Variants in DCDC1 observed in about 807,000 individuals in gnomAD.
DCDC1 encodes doublecortin domain containing 1, also known as doublecortin domain-containing protein 1.
DCDC1 carries 200 observed loss-of-function variants against 178.3 expected under a neutral mutation model. The observed-to-expected ratio is 1.12, with a 90% CI of 1.00 to 1.26. DCDC1 has a LOEUF of 1.26. Among genes scored for constraint, DCDC1 ranks in the 50% most tolerant of loss-of-function variants. The pLI, the probability that DCDC1 is intolerant of heterozygous loss-of-function variation, is 0.00. For synonymous variants in DCDC1, 690 were observed against 604.8 expected (o/e 1.14, Z -2.07); for missense variants, 1,983 against 1,749.2 (o/e 1.13, Z -2.38).
At chr11:31,353,725 C>T (rs1444013226) in intron 1 of DCDC1, among the ~76,000 whole-genome samples, 1 of 152,148 alleles carries the variant, frequency 6.6e-6, no homozygotes, top group Non-Finnish European at 1.5e-5. Flanking sequence ...TACTAATTAG[C>T]ACTGCTAAAC....
intron 16 of DCDC1, 56 bp downstream of exon 16, chr11:31,093,994 C>T (rs1328726465): frequency 6.7e-6 from 5 of 742,416 alleles, no homozygotes; most frequent in Non-Finnish European, 1.2e-5. Flanking sequence ...CCAGCAAGTG[C>T]CGTGAGCCAG....
Position 30,934,820 on chromosome 11 carries a change from T to C in DCDC1, c.2716-2868A>G, listed in dbSNP as rs560863370. On this transcript the variant is annotated intron_variant, in intron 21 of 38. Coordinates refer to ENST00000684477, the MANE Select transcript of DCDC1 (RefSeq NM_001387274.1). ...GCTTGTAGCAAAAAGTTGACCCATT[T>C]GATCCAGGCATTCACATCCCTGTAC... is the stretch of plus-strand genomic sequence containing the variant. Among the ~76,000 whole-genome samples, 4 of 152,330 alleles carry C rather than the reference T, an allele frequency of 2.6e-5. No individual in the cohort carries two copies. The South Asian group carries it at 8.3e-4, about 32-fold the overall frequency.
intron 3 of DCDC1, among the ~76,000 whole-genome samples, chr11:31,325,501 GA>G (rs760696429): frequency 6.6e-6 from 1 of 152,118 alleles, no homozygotes; most frequent in Non-Finnish European, 1.5e-5. Flanking sequence ...GTTTTCTTGT[GA>G]GGGGGCATGT....
At chr11:30,989,989 A>T (rs1950882710) in intron 20 of DCDC1, among the ~76,000 whole-genome samples, 1 of 152,100 alleles carries the variant, frequency 6.6e-6, no homozygotes, top group Non-Finnish European at 1.5e-5. Context: ...AGCCCAAAAC[A>T]CTTAGACTGG....
At chr11:31,332,079 G>A (rs901425032) in intron 2 of DCDC1, among the ~76,000 whole-genome samples, 1 of 152,130 alleles carries the variant, frequency 6.6e-6, no homozygotes, top group Non-Finnish European at 1.5e-5. Flanking sequence ...TCTATTCAGA[G>A]ATTCAATTTC....
intron 38 of DCDC1, among the ~76,000 whole-genome samples, chr11:30,875,771 A>C (rs1246736675): frequency 1.3e-5 from 2 of 152,152 alleles, no homozygotes; most frequent in Non-Finnish European, 2.9e-5. Context: ...TAATTATGAT[A>C]AACAATCAAG....
At chr11:30,925,475 A>G in intron 22 of DCDC1, 67 bp from the exon 23 acceptor site, 2 of 1,407,118 alleles carry the variant, frequency 1.4e-6, no homozygotes, top group Non-Finnish European at 2.0e-6. Context: ...AGAGAAAATA[A>G]AAGAAATCTG....
intron 18 of DCDC1, among the ~76,000 whole-genome samples, chr11:31,076,589 C>T (rs983984127): frequency 1.3e-5 from 2 of 152,128 alleles, no homozygotes; most frequent in African/African-American, 4.8e-5. Flanking sequence ...TCAAGCAATC[C>T]TGCCTTGGCT....
chr11:30,929,945 T>C (rs1946829214), intron 22 of DCDC1, among the ~76,000 whole-genome samples: 1 of 151,998 alleles, frequency 6.6e-6, no homozygotes, highest in African/African-American at 2.4e-5. Context: ...AAAGAACCAA[T>C]AACAACAACA....
intron 9 of DCDC1, among the ~76,000 whole-genome samples, chr11:31,146,274 T>C (rs1964442541): frequency 6.6e-6 from 1 of 151,980 alleles, no homozygotes. Context: ...TTAGTAGAGA[T>C]GGGGTTTCAC....
intron 20 of DCDC1, among the ~76,000 whole-genome samples, chr11:30,977,002 TA>T (rs1390334619): frequency 2.6e-5 from 4 of 152,078 alleles, no homozygotes; most frequent in Admixed American, 2.0e-4. Flanking sequence ...TATTTAGCCA[TA>T]AAAAATGAAA....
intron 6 of DCDC1, among the ~76,000 whole-genome samples, chr11:31,301,330 T>G (rs1329914191): frequency 6.6e-6 from 1 of 152,182 alleles, no homozygotes; most frequent in Non-Finnish European, 1.5e-5. Context: ...CTTAGCTGAT[T>G]GAATTAAGTA....
chr11:31,140,551 G>C (rs2136020822), intron 9 of DCDC1, among the ~76,000 whole-genome samples: 1 of 152,180 alleles, frequency 6.6e-6, no homozygotes, highest in South Asian at 2.1e-4. Context: ...TACATACTTA[G>C]GTTAAAGTTC....
At chr11:31,045,190 A>G (rs1954751476) in intron 20 of DCDC1, among the ~76,000 whole-genome samples, 1 of 152,160 alleles carries the variant, frequency 6.6e-6, no homozygotes, top group Non-Finnish European at 1.5e-5. Flanking sequence ...TCACCAACAC[A>G]CACATATGCA....
chr11:31,028,224 T>C (rs1000071841), intron 20 of DCDC1, among the ~76,000 whole-genome samples: 10 of 151,908 alleles, frequency 6.6e-5, no homozygotes, highest in African/African-American at 2.4e-4. Flanking sequence ...ATAAACATTC[T>C]TAATACAAAT....
intron 1 of DCDC1, among the ~76,000 whole-genome samples, chr11:31,341,382 TATAGATAGATAGATAGATAG>T (rs10552471): frequency 2.5e-4 from 34 of 134,792 alleles, no homozygotes; most frequent in South Asian, 9.7e-4. Context: ...ATTCCAGTTT[TATAGATAGATAGATAGATAG>T]ATAGATAGAT....
chr11:31,193,109 G>C lies in DCDC1; in HGVS notation c.1221+48341C>G, dbSNP rs566576173. ...TACACCATTGTCTCTGCTGGTTCTCGGCCTTTGGACTCAGACTGAATTACA... is the reference window on the plus strand; with the variant it reads ...TACACCATTGTCTCTGCTGGTTCTCCGCCTTTGGACTCAGACTGAATTACA... On this transcript the variant is annotated intron_variant, in intron 9 of 38. Transcript: ENST00000684477. Among the ~76,000 whole-genome samples the C allele has an allele frequency of 1.1e-3, 164 of 151,970 alleles. 2 individuals carry two copies. The highest frequency in any genetic ancestry group is 3.6e-3 in the African/African-American group (151 of 41,472).
At chr11:31,236,873 A>T (rs1354386871) in intron 9 of DCDC1, among the ~76,000 whole-genome samples, 1 of 151,994 alleles carries the variant, frequency 6.6e-6, no homozygotes, top group Non-Finnish European at 1.5e-5. Context: ...TGTCACAGAA[A>T]GGCTAAGTCA....
At position 31,241,452 on chromosome 11, in the gene DCDC1, G is replaced by C. The variant is rs1977122390; in HGVS notation, c.1219C>G (p.Gln407Glu). ...ATTTTTAAAGAGGGATGACTCACCT[G>C]TTTATAATATTTTTTTGCAGACTTT... ...RLKSAKKYYK[Q>E]LNLVMNEQKE... is the part of the protein sequence containing the mutation. The change falls in exon 9 of 39, where the codon CAG becomes GAG. Residue 407 changes from glutamine to glutamate, a missense_variant and splice_region_variant. By Grantham distance (29) the Gln-to-Glu change is conservative. Coordinates refer to ENST00000684477, the MANE Select transcript of DCDC1 (RefSeq NM_001387274.1). 1 of 396,934 alleles carries C rather than the reference G, an allele frequency of 2.5e-6. No individual in the cohort carries two copies. Among genetic ancestry groups the C allele is most frequent in the Non-Finnish European group, 4.5e-6 (1 of 224,612 alleles). The allele number at this position is 396,934 out of a possible 1,614,324, so 24.6% of individuals were successfully genotyped here. A position where few individuals can be genotyped will look rare whatever the true frequency, so the allele number is the denominator to read the frequency against.
Sources: allele counts gnomAD v4.1 joint callset (sites outside exome capture counted in the v4.1 genomes callset), GRCh38; gene constraint gnomAD v4.1.1; transcripts MANE v1.5; gene names NCBI Gene and HGNC (gene_info 2026-07-23, HGNC 2026-07-21).